The following PDE3B variants were observed in gnomAD, a reference collection of about 807,000 sequenced individuals.
PDE3B encodes phosphodiesterase 3B, also known as cGMP-inhibited 3',5'-cyclic phosphodiesterase 3B.
Under a neutral mutation model 116.8 loss-of-function variants are expected in PDE3B, and 66 were observed. The observed-to-expected ratio is 0.56, with a 90% CI of 0.46 to 0.69. The LOEUF (loss-of-function observed/expected upper bound fraction) is 0.69, where lower values mean the gene tolerates loss of function less well. PDE3B is among the 30% of genes least tolerant of loss of function. PDE3B has a pLI of 0.00. For synonymous variants in PDE3B, 595 were observed against 533.6 expected (o/e 1.12, Z -1.59); for missense variants, 1,384 against 1,368.1 (o/e 1.01, Z -0.18).
At chr11:14,778,601 G>T (rs1419378996) in intron 2 of PDE3B, among the ~76,000 whole-genome samples, 1 of 152,216 alleles carries the variant, frequency 6.6e-6, no homozygotes, top group Non-Finnish European at 1.5e-5. Flanking sequence ...TGCAGCTGAG[G>T]TTCCTGACTG....
intron 1 of PDE3B, among the ~76,000 whole-genome samples, chr11:14,676,158 A>G (rs1854526132): frequency 6.6e-6 from 1 of 152,138 alleles, no homozygotes; most frequent in Admixed American, 6.6e-5. Flanking sequence ...GTCTTTTGCT[A>G]ATTTTAAAAT....
chr11:14,831,904 G>GA, intron 9 of PDE3B, 127 bp downstream of exon 9: 1 of 560,272 alleles, frequency 1.8e-6, no homozygotes, highest in Non-Finnish European at 3.1e-6. Flanking sequence ...ATTTTTTTCA[G>GA]AAAAAAATAA....
intron 1 of PDE3B, among the ~76,000 whole-genome samples, chr11:14,660,257 G>A (rs547287815): frequency 4.6e-4 from 70 of 151,422 alleles, no homozygotes; most frequent in African/African-American, 1.6e-3. Context: ...TAATTTCAAC[G>A]ACAAGAGCTT....
At chr11:14,858,708 G>C (rs1555006554) in intron 12 of PDE3B, among the ~76,000 whole-genome samples, 1 of 152,124 alleles carries the variant, frequency 6.6e-6, no homozygotes, top group Non-Finnish European at 1.5e-5. Flanking sequence ...TATCTGAGAA[G>C]GTTTTCTGAT....
At position 14,644,473 on chromosome 11, in the gene PDE3B, C is replaced by T; in HGVS notation, c.398C>T (p.Thr133Ile). The T allele has an allele frequency of 6.2e-7, 1 of 1,613,060 alleles. No individual in the cohort carries two copies. Among genetic ancestry groups the T allele is most frequent in the Non-Finnish European group, 8.5e-7 (1 of 1,179,556 alleles). Reference protein sequence around the residue: ...FSIACAFFFLTCFLTRTKRGP... With the variant: ...FSIACAFFFLICFLTRTKRGP... ...ATCGCCTGTGCCTTCTTCTTCCTCA[C>T]CTGCTTCCTCACCCGGACCAAGCGG... is the stretch of plus-strand genomic sequence containing the variant. The change falls in exon 1 of 16, where the codon ACC becomes ATC. Residue 133 changes from threonine to isoleucine, a missense_variant. This residue lies in a region of PDE3B where 956 missense variants were observed against 806.8 expected (regional missense o/e 1.18). Coordinates refer to ENST00000282096, the MANE Select transcript of PDE3B (RefSeq NM_000922.4).
chr11:14,818,514 G>T, intron 6 of PDE3B, 121 bp downstream of exon 6: 1 of 635,760 alleles, frequency 1.6e-6, no homozygotes, highest in South Asian at 2.0e-5. Flanking sequence ...GTTTTTTTCG[G>T]TGTTATAATG....
At chr11:14,891,248 A>G in the PDE3B span, 1 of 984,974 alleles carries the variant, frequency 1.0e-6, no homozygotes, top group South Asian at 4.7e-5. Context: ...TACCGACCTC[A>G]CCGGCTGGTT....
chr11:14,894,246 T>G, the PDE3B span, among the ~76,000 whole-genome samples: 1 of 152,188 alleles, frequency 6.6e-6, no homozygotes, highest in Non-Finnish European at 1.5e-5. Context: ...AAAATAATTG[T>G]GAGAGATCAT....
Position 14,872,032 on chromosome 11 carries a change from C to T in PDE3B, c.*2372C>T, listed in dbSNP as rs1280368324. ...TGACACATTTTTCTCCATAAAAGTACTTTTAAAAATTACTTCATGATTTGA... is the reference window on the plus strand; with the variant it reads ...TGACACATTTTTCTCCATAAAAGTATTTTTAAAAATTACTTCATGATTTGA... On this transcript the variant is annotated 3_prime_UTR_variant, in exon 16 of 16. Transcript: ENST00000282096. 6.6e-6 allele frequency: 1 copy of T among 152,108 alleles called. No individual in the cohort carries two copies. Among genetic ancestry groups the T allele is most frequent in the African/African-American group, 2.4e-5 (1 of 41,428 alleles). The allele number at this position is 152,108 out of a possible 1,614,324, so 9.4% of individuals were successfully genotyped here.
At chr11:14,883,508 C>A in the PDE3B span, among the ~76,000 whole-genome samples, 1 of 150,982 alleles carries the variant, frequency 6.6e-6, no homozygotes, top group Admixed American at 6.6e-5. Flanking sequence ...TGGATCCCTT[C>A]CTTACACCTT....
intron 12 of PDE3B, among the ~76,000 whole-genome samples, chr11:14,845,421 A>T (rs1388770890): frequency 1.3e-5 from 2 of 152,182 alleles, no homozygotes; most frequent in African/African-American, 4.8e-5. Context: ...AAACTCTAAA[A>T]AGCAGAACGC....
intron 1 of PDE3B, among the ~76,000 whole-genome samples, chr11:14,748,217 C>T (rs932435211): frequency 6.6e-6 from 1 of 152,134 alleles, no homozygotes; most frequent in African/African-American, 2.4e-5. Flanking sequence ...GATCTTATTA[C>T]TGTAATTCCC....
In PDE3B at chr11:14,859,113, C is replaced by T; in HGVS notation, c.2591C>T (p.Ser864Phe). The part of the protein sequence containing the change: ...HAASAWNLYL[S>F]RPEYNFLLHL... ...GCGTCAGCTTGGAATCTATATCTTT[C>T]TCGCCCAGAATACAACTTCCTTCTT... The change falls in exon 13 of 16, where the codon TCT (serine) becomes TTT (phenylalanine). Residue 864 changes from serine to phenylalanine, a missense_variant. Transcript: ENST00000282096. The T allele has an allele frequency of 6.2e-7, 1 of 1,613,622 alleles. No homozygotes were observed. The highest frequency in any genetic ancestry group is 8.5e-7 in the Non-Finnish European group (1 of 1,179,710).
At chr11:14,839,727 T>C (rs866604507) in intron 11 of PDE3B, among the ~76,000 whole-genome samples, 47 of 152,366 alleles carry the variant, frequency 3.1e-4, no homozygotes, top group African/African-American at 1.0e-3. Flanking sequence ...TTTCATTCTC[T>C]GTTATAATCT....
At chr11:14,663,237 A>C (rs564244886) in intron 1 of PDE3B, among the ~76,000 whole-genome samples, 31 of 152,150 alleles carry the variant, frequency 2.0e-4, no homozygotes, top group East Asian at 7.7e-4. Flanking sequence ...GAAATAAAAT[A>C]CTTTACAGAC....
intron 14 of PDE3B, 95 bp from the exon 15 acceptor site, chr11:14,867,407 ATTGT>A (rs368926520): frequency 5.3e-5 from 51 of 953,578 alleles, no homozygotes; most frequent in African/African-American, 2.0e-4. Context: ...TTTGATATAG[ATTGT>A]TTATTTTAAA....
the PDE3B span, among the ~76,000 whole-genome samples, chr11:14,895,255 T>C: frequency 6.6e-6 from 1 of 152,232 alleles, no homozygotes; most frequent in Admixed American, 6.5e-5. Flanking sequence ...GCATTCTCAG[T>C]GTGTTTCATC....
At chr11:14,694,810 ATTAAATACC>A (rs146167867) in intron 1 of PDE3B, among the ~76,000 whole-genome samples, 127 of 152,278 alleles carry the variant, frequency 8.3e-4, no homozygotes, top group African/African-American at 2.7e-3. Flanking sequence ...ATAATCCTCT[ATTAAATACC>A]TTTCTTTTCT....
At position 14,662,738 on chromosome 11, in the gene PDE3B, C is replaced by T. The variant is rs184150312; in HGVS notation, c.978+17685C>T. 2.4e-3 allele frequency among the ~76,000 whole-genome samples: 366 copies of T among 152,076 alleles called. 1 individual carries two copies. Among genetic ancestry groups the T allele is most frequent in the African/African-American group, 8.3e-3 (344 of 41,482 alleles). ...GGAAGATGAAATGAATGAACTGAAG[C>T]GAGAAGGGAAGTTTAGAGAAAAGAG... On this transcript the variant is annotated intron_variant, in intron 1 of 15. Transcript: ENST00000282096.
Sources: gnomAD v4.1 joint callset for allele counts (sites outside exome capture counted in the v4.1 genomes callset) on GRCh38, gnomAD v4.1.1 for gene constraint, gnomAD v4.1.1 regional missense constraint, MANE v1.5 for transcripts, NCBI Gene and HGNC (gene_info 2026-07-23, HGNC 2026-07-21) for gene names.